Variants in MED26 observed in about 807,000 individuals in gnomAD.
MED26 encodes mediator complex subunit 26.
MED26 carries 7 observed loss-of-function variants against 43.7 expected under a neutral mutation model. The observed-to-expected ratio is 0.16, with a 90% CI of 0.09 to 0.30. The LOEUF is 0.30. Ranked by LOEUF, MED26 falls within the 10% of genes least tolerant of loss-of-function variation. The probability of loss-of-function intolerance (pLI) is 1.00; values close to 1 mark genes in which losing one functional copy is unlikely to be tolerated. For missense variants in MED26, 784 were observed against 840.6 expected, an observed-to-expected ratio of 0.93 and a Z score of 0.83; for synonymous variants, 375 against 371.1, an observed-to-expected ratio of 1.01 and a Z score of -0.12.
chr19:16,619,583 C>T (rs2086242174), intron 1 of MED26, among the ~76,000 whole-genome samples: 1 of 152,116 alleles, frequency 6.6e-6, no homozygotes, highest in Admixed American at 6.5e-5. Flanking sequence ...AGTGCACTAC[C>T]GTGCTGAAGG....
At chr19:16,578,817 C>A (rs2086028152) in intron 1 of MED26, 1 of 192,184 alleles carries the variant, frequency 5.2e-6, no homozygotes, top group Non-Finnish European at 1.1e-5. Flanking sequence ...AAGATCAATA[C>A]ACAGGCCAGG....
intron 1 of MED26, among the ~76,000 whole-genome samples, chr19:16,621,209 C>T (rs2086250135): frequency 6.6e-6 from 1 of 152,232 alleles, no homozygotes; most frequent in African/African-American, 2.4e-5. Context: ...CCCAAGGCTT[C>T]TGGTTCCCTT....
rs775766169 is a variant in MED26, at chr19:16,576,215, C to A, written c.1615G>T (p.Asp539Tyr). 14 of 1,611,986 alleles carry A rather than the reference C, an allele frequency of 8.7e-6. No individual in the cohort carries two copies. The South Asian group carries it at 1.4e-4, about 16-fold the overall frequency. Reference protein sequence around the residue: ...HVLVPQSPPTDLPGLTREVTQ... With the variant: ...HVLVPQSPPTYLPGLTREVTQ... The stretch of plus-strand genomic sequence containing the variant: ...ACCTCCCGGGTCAGACCAGGGAGGT[C>A]CGTGGGCGGGCTTTGAGGCACCAGC... Residue 539 changes from aspartate to tyrosine, a missense_variant, in exon 3 of 3, where the codon GAC (aspartate) becomes TAC (tyrosine). Asp to Tyr is a radical substitution (Grantham distance 160). Transcript: ENST00000263390. This position sits in a 1 kb window ranked among gnomAD's most constrained non-coding sequence, Gnocchi z 6.8.
At chr19:16,624,122 A>G (rs745395294) in intron 1 of MED26, among the ~76,000 whole-genome samples, 2 of 151,250 alleles carry the variant, frequency 1.3e-5, no homozygotes, top group African/African-American at 4.8e-5. Context: ...TAAAAAAAAA[A>G]AACCCCTTCT....
At chr19:16,619,008 GGGCC>G (rs72389462) in intron 1 of MED26, among the ~76,000 whole-genome samples, 1,840 of 152,306 alleles carry the variant, frequency 0.012, 85 homozygotes, top group Admixed American at 0.078. Flanking sequence ...ACTTGCCTTT[GGGCC>G]TGCATGACCA....
Position 16,627,910 on chromosome 19 carries a change from T to C in MED26, c.34A>G (p.Arg12Gly). The change falls in exon 1 of 3, where the codon AGG becomes GGG. Residue 12 changes from arginine (R) to glycine (G), a missense_variant. Coordinates refer to ENST00000263390, the MANE Select transcript of MED26 (RefSeq NM_004831.5). ...TAAPASPQQI[R>G]DRLLQAIDPQ... The stretch of plus-strand genomic sequence containing the variant: ...TCGATGGCCTGCAGCAGCCGGTCCC[T>C]GATCTGCTGCGGAGACGCCGGAGCC... The C allele has an allele frequency of 6.7e-7, 1 of 1,500,232 alleles. No homozygotes were observed. The highest frequency in any genetic ancestry group is 8.9e-7 in the Non-Finnish European group (1 of 1,123,214). The allele number at this position is 1,500,232 out of a possible 1,614,324, so 92.9% of individuals were successfully genotyped here.
intron 1 of MED26, among the ~76,000 whole-genome samples, chr19:16,607,828 T>C (rs1327471629): frequency 6.6e-5 from 10 of 152,214 alleles, no homozygotes; most frequent in African/African-American, 2.4e-4. Context: ...AGCCAAAAGA[T>C]TGGACACCCC....
intron 1 of MED26, among the ~76,000 whole-genome samples, chr19:16,608,325 A>G (rs574618046): frequency 6.6e-6 from 1 of 152,370 alleles, no homozygotes; most frequent in Admixed American, 6.5e-5. Flanking sequence ...CTGTGTACTC[A>G]AAACTCATCA....
chr19:16,615,469 G>T (rs768590276), intron 1 of MED26, among the ~76,000 whole-genome samples: 2 of 152,178 alleles, frequency 1.3e-5, no homozygotes, highest in South Asian at 2.1e-4. Context: ...GCAGCCAGGC[G>T]TGGGGACTCA....
At chr19:16,591,226 C>T (rs1342237504) in intron 1 of MED26, among the ~76,000 whole-genome samples, 2 of 152,054 alleles carry the variant, frequency 1.3e-5, no homozygotes, top group East Asian at 3.8e-4. Flanking sequence ...GGTTTGTCCT[C>T]CCTGGGGAAG....
Position 16,627,911 on chromosome 19 carries a change from G to A in MED26, c.33C>T (p.Ile11=), listed in dbSNP as rs779122922. 5.3e-6 allele frequency: 8 copies of A among 1,500,656 alleles called. No homozygotes were observed. In the Admixed American group the frequency reaches 1.7e-4, roughly 32 times the overall value. The allele number at this position is 1,500,656 out of a possible 1,614,324, so 93.0% of individuals were successfully genotyped here. The stretch of plus-strand genomic sequence containing the variant: ...CGATGGCCTGCAGCAGCCGGTCCCT[G>A]ATCTGCTGCGGAGACGCCGGAGCCG... MTAAPASPQQ[I]RDRLLQAIDP... Residue 11 remains isoleucine (I), a synonymous_variant, in exon 1 of 3, where the codon ATC becomes ATT. Transcript: ENST00000263390.
chr19:16,607,402 T>C (rs78829011), intron 1 of MED26, among the ~76,000 whole-genome samples: 8 of 147,660 alleles, frequency 5.4e-5, no homozygotes, highest in African/African-American at 2.0e-4. Context: ...AAAAGGAGCA[T>C]GTCCATATTG....
chr19:16,608,363 A>G (rs2086183595), intron 1 of MED26, among the ~76,000 whole-genome samples: 1 of 152,254 alleles, frequency 6.6e-6, no homozygotes, highest in Admixed American at 6.5e-5. Flanking sequence ...CAAACTTAGT[A>G]CTATCTAGGT....
intron 1 of MED26, among the ~76,000 whole-genome samples, chr19:16,594,578 G>A (rs1193720221): frequency 1.3e-5 from 2 of 152,220 alleles, no homozygotes; most frequent in Non-Finnish European, 2.9e-5. Flanking sequence ...GAGAGGCACT[G>A]AAGTGGCCTG....
At chr19:16,601,747 G>A (rs546120978) in intron 1 of MED26, among the ~76,000 whole-genome samples, 49 of 152,368 alleles carry the variant, frequency 3.2e-4, no homozygotes, top group Middle Eastern at 3.4e-3. Flanking sequence ...ACACAGCAGC[G>A]CAGCATGCGC....
At position 16,577,159 on chromosome 19, in the gene MED26, T is replaced by G; in HGVS notation, c.671A>C (p.Asn224Thr). The G allele has an allele frequency of 2.5e-6, 4 of 1,613,274 alleles. No homozygotes were observed. In the South Asian group the frequency reaches 4.4e-5, roughly 18 times the overall value. ...NDKHSGKIPV[N>T]AVRPHTSSPG... is the part of the protein sequence containing the mutation. ...GGAGCTGGTGTGCGGTCGCACGGCG[T>G]TGACGGGGATCTTGCCACTGTGCTT... Residue 224 changes from asparagine (N) to threonine (T), a missense_variant, in exon 3 of 3, where the codon AAC becomes ACC. This residue lies in a region of MED26 where 719 missense variants were observed against 730.9 expected (regional missense o/e 0.98). Coordinates refer to ENST00000263390, the MANE Select transcript of MED26 (RefSeq NM_004831.5). This position sits in a 1 kb window ranked among gnomAD's most constrained non-coding sequence, Gnocchi z 8.1.
At chr19:16,616,989 T>A (rs1269054702) in intron 1 of MED26, among the ~76,000 whole-genome samples, 1 of 151,988 alleles carries the variant, frequency 6.6e-6, no homozygotes, top group Non-Finnish European at 1.5e-5. Flanking sequence ...CAAGGACAGC[T>A]CATCTTCCTA....
chr19:16,592,902 C>T (rs932995031), intron 1 of MED26, among the ~76,000 whole-genome samples: 1 of 152,232 alleles, frequency 6.6e-6, no homozygotes, highest in African/African-American at 2.4e-5. Context: ...CATCACTCAA[C>T]CCTCTGTTTT....
intron 1 of MED26, among the ~76,000 whole-genome samples, chr19:16,603,023 A>G (rs1404180181): frequency 6.6e-6 from 1 of 152,254 alleles, no homozygotes; most frequent in Non-Finnish European, 1.5e-5. Flanking sequence ...AAACAAAAAC[A>G]AAAACACCAG....
Sources: gnomAD v4.1 joint callset for allele counts (sites outside exome capture counted in the v4.1 genomes callset) on GRCh38, gnomAD v4.1.1 for gene constraint, gnomAD v4.1.1 regional missense constraint, Gnocchi (gnomAD v3.1) non-coding constraint, MANE v1.5 for transcripts, NCBI Gene and HGNC (gene_info 2026-07-23, HGNC 2026-07-21) for gene names.